Variants in ENTREP2 observed in about 807,000 individuals in gnomAD.
The protein encoded by ENTREP2 is endosomal transmembrane epsin interactor 2.
chr15:29,297,549 C>A, the ENTREP2 span, among the ~76,000 whole-genome samples: 1 of 152,054 alleles, frequency 6.6e-6, no homozygotes, highest in Non-Finnish European at 1.5e-5. Flanking sequence ...CAGTTTGCAA[C>A]CTTCAGTGTA....
the ENTREP2 span, among the ~76,000 whole-genome samples, chr15:29,418,385 C>G: frequency 1.3e-5 from 2 of 152,158 alleles, no homozygotes; most frequent in Non-Finnish European, 2.9e-5. Flanking sequence ...CAAGGCTCAT[C>G]TATCACCACA....
chr15:29,279,595 C>T, the ENTREP2 span, among the ~76,000 whole-genome samples: 79,060 of 151,604 alleles, frequency 0.52, 23,133 homozygotes, highest in Non-Finnish European at 0.68. Context: ...GATCTCTTGA[C>T]CTCGTGATCC....
At chr15:29,457,649 G>C in the ENTREP2 span, among the ~76,000 whole-genome samples, 1 of 152,228 alleles carries the variant, frequency 6.6e-6, no homozygotes, top group Non-Finnish European at 1.5e-5. Context: ...CTTTGGCTGT[G>C]TTAATGAGGG....
chr15:29,197,449 A>G, the ENTREP2 span, among the ~76,000 whole-genome samples: 16 of 152,142 alleles, frequency 1.1e-4, no homozygotes, highest in African/African-American at 3.4e-4. Context: ...AAAAAATAAT[A>G]AAGTCCTAGA....
At chr15:29,337,415 G>A in the ENTREP2 span, among the ~76,000 whole-genome samples, 1 of 152,184 alleles carries the variant, frequency 6.6e-6, no homozygotes, top group African/African-American at 2.4e-5. Context: ...GCCTTTTTCT[G>A]TAGACATTCC....
At chr15:29,137,315 G>T in the ENTREP2 span, 1 of 891,520 alleles carries the variant, frequency 1.1e-6, no homozygotes, top group Middle Eastern at 3.0e-4. Context: ...CAACTGTCAA[G>T]CCATGACTGC....
chr15:29,643,311 A>G, the ENTREP2 span, among the ~76,000 whole-genome samples: 1 of 152,248 alleles, frequency 6.6e-6, no homozygotes, highest in African/African-American at 2.4e-5. Flanking sequence ...TGAAAAGTGG[A>G]CAAAGGATTA....
the ENTREP2 span, among the ~76,000 whole-genome samples, chr15:29,483,982 CAGCCT>C: frequency 6.6e-6 from 1 of 152,190 alleles, no homozygotes; most frequent in Non-Finnish European, 1.5e-5. Context: ...TCACTGCTGA[CAGCCT>C]CCTCTGCAGT....
At chr15:29,470,316 A>G in the ENTREP2 span, among the ~76,000 whole-genome samples, 4 of 152,140 alleles carry the variant, frequency 2.6e-5, no homozygotes, top group Non-Finnish European at 5.9e-5. Flanking sequence ...TCACAGGTGA[A>G]GCCCACAGGT....
At chr15:29,201,946 C>T in the ENTREP2 span, among the ~76,000 whole-genome samples, 1 of 152,110 alleles carries the variant, frequency 6.6e-6, no homozygotes, top group Non-Finnish European at 1.5e-5. Context: ...ATTCAATTTC[C>T]TTAATAATTA....
At chr15:29,558,959 C>A in the ENTREP2 span, among the ~76,000 whole-genome samples, 1 of 151,814 alleles carries the variant, frequency 6.6e-6, no homozygotes, top group South Asian at 2.1e-4. Context: ...ATTTACATTT[C>A]CAGTCAATAT....
chr15:29,165,204 C>T, the ENTREP2 span, among the ~76,000 whole-genome samples: 9 of 152,006 alleles, frequency 5.9e-5, no homozygotes, highest in East Asian at 3.9e-4. Flanking sequence ...TAGCCCTAAA[C>T]GCCTACATCA....
the ENTREP2 span, among the ~76,000 whole-genome samples, chr15:29,664,776 T>C: frequency 6.6e-6 from 1 of 152,204 alleles, no homozygotes; most frequent in Admixed American, 6.5e-5. Flanking sequence ...TTGATACTTA[T>C]CTGGCCAAAT....
the ENTREP2 span, among the ~76,000 whole-genome samples, chr15:29,148,868 A>T: frequency 6.7e-6 from 1 of 149,922 alleles, no homozygotes. Context: ...CTCCCTCCAG[A>T]TTTTTTTTTA....
the ENTREP2 span, among the ~76,000 whole-genome samples, chr15:29,247,512 G>C: frequency 1.3e-5 from 2 of 152,130 alleles, no homozygotes; most frequent in Non-Finnish European, 2.9e-5. Context: ...AATTTAAGTG[G>C]TATTGCTCTG....
chr15:29,518,225 CA>C, the ENTREP2 span, among the ~76,000 whole-genome samples: 2 of 151,662 alleles, frequency 1.3e-5, no homozygotes, highest in South Asian at 2.1e-4. Context: ...CAAAACAAAA[CA>C]AAAAAACTAC....
the ENTREP2 span, among the ~76,000 whole-genome samples, chr15:29,362,391 T>C: frequency 2.7e-5 from 4 of 145,464 alleles, no homozygotes; most frequent in African/African-American, 7.8e-5. Context: ...TTTTTTTTTT[T>C]TGAGACAGAG....
the ENTREP2 span, among the ~76,000 whole-genome samples, chr15:29,330,555 C>A: frequency 6.6e-6 from 1 of 152,128 alleles, no homozygotes; most frequent in Non-Finnish European, 1.5e-5. Flanking sequence ...GGGCACCCTA[C>A]GTAACACTGA....
At chr15:29,155,491 T>C in the ENTREP2 span, among the ~76,000 whole-genome samples, 1 of 152,156 alleles carries the variant, frequency 6.6e-6, no homozygotes, top group Non-Finnish European at 1.5e-5. Context: ...TTTCTTCATA[T>C]GCACGTGCTA....
Sources: gnomAD v4.1 joint callset for allele counts (sites outside exome capture counted in the v4.1 genomes callset) on GRCh38, gnomAD v4.1.1 for gene constraint, MANE v1.5 for transcripts, NCBI Gene and HGNC (gene_info 2026-07-23, HGNC 2026-07-21) for gene names.